The following AGMO variants were observed in gnomAD, a reference collection of about 807,000 sequenced individuals.
AGMO encodes the protein glyceryl-ether monooxygenase.
AGMO carries 75 observed loss-of-function variants against 60.2 expected under a neutral mutation model. The ratio of observed to expected loss-of-function variants is 1.25; its 90% confidence interval spans 1.03 to 1.51. AGMO has a LOEUF of 1.51. Ranked by LOEUF, AGMO falls within the 40% of genes most tolerant of loss-of-function variation. The pLI, the probability that AGMO is intolerant of heterozygous loss-of-function variation, is 0.00. For missense variants in AGMO, 763 were observed against 525.5 expected, an observed-to-expected ratio of 1.45 and a Z score of -4.42; for synonymous variants, 261 against 177.1, an observed-to-expected ratio of 1.47 and a Z score of -3.76.
At chr7:15,548,076 G>T (rs191401904) in intron 2 of AGMO, among the ~76,000 whole-genome samples, 1,809 of 151,972 alleles carry the variant, frequency 0.012, 33 homozygotes, top group African/African-American at 0.042. Context: ...CACACGGCAG[G>T]GTATTCCAAC....
At chr7:15,310,979 A>T (rs1002722179) in intron 12 of AGMO, among the ~76,000 whole-genome samples, 10 of 152,006 alleles carry the variant, frequency 6.6e-5, no homozygotes, top group Non-Finnish European at 1.3e-4. Context: ...TCCCTCTTCC[A>T]TTTCTAAAAA....
intron 12 of AGMO, among the ~76,000 whole-genome samples, chr7:15,342,247 T>A (rs1411162642): frequency 7.1e-6 from 1 of 140,580 alleles, no homozygotes; most frequent in Non-Finnish European, 1.5e-5. Context: ...AGAAAAGAAG[T>A]CTCTAGCAGC....
the AGMO span, among the ~76,000 whole-genome samples, chr7:15,137,822 A>C: frequency 6.6e-6 from 1 of 152,286 alleles, no homozygotes; most frequent in South Asian, 2.1e-4. Context: ...TACATTTAAA[A>C]GAGCAGAATC....
At chr7:15,376,572 G>A (rs962046654) in intron 10 of AGMO, among the ~76,000 whole-genome samples, 1 of 151,978 alleles carries the variant, frequency 6.6e-6, no homozygotes, top group Non-Finnish European at 1.5e-5. Context: ...AGTAATCTGT[G>A]TTCAAATGTA....
the AGMO span, among the ~76,000 whole-genome samples, chr7:15,184,016 A>T: frequency 6.6e-6 from 1 of 152,182 alleles, no homozygotes; most frequent in African/African-American, 2.4e-5. Context: ...ATAAATTGTT[A>T]AAAACAATAT....
intron 12 of AGMO, among the ~76,000 whole-genome samples, chr7:15,235,848 T>C (rs1301750788): frequency 6.6e-6 from 1 of 152,152 alleles, no homozygotes; most frequent in Admixed American, 6.5e-5. Flanking sequence ...AGCAAGCTAA[T>C]GTTGTGATTC....
intron 12 of AGMO, among the ~76,000 whole-genome samples, chr7:15,331,462 G>T (rs1289365552): frequency 6.6e-6 from 1 of 152,160 alleles, no homozygotes; most frequent in Non-Finnish European, 1.5e-5. Context: ...GAGCATGCAT[G>T]AAAGCATGAA....
intron 12 of AGMO, among the ~76,000 whole-genome samples, chr7:15,282,513 A>G (rs4132550): frequency 0.029 from 4,372 of 152,236 alleles, 184 homozygotes; most frequent in African/African-American, 0.1. Flanking sequence ...AGTCAACTCA[A>G]TCAGAAAAAT....
At chr7:15,234,209 A>G (rs754800235) in intron 12 of AGMO, among the ~76,000 whole-genome samples, 11 of 152,178 alleles carry the variant, frequency 7.2e-5, no homozygotes, top group Admixed American at 2.6e-4. Flanking sequence ...TTGTCAGATA[A>G]ATAATAACTT....
intron 3 of AGMO, among the ~76,000 whole-genome samples, chr7:15,458,542 T>A (rs1186666720): frequency 6.6e-6 from 1 of 152,186 alleles, no homozygotes; most frequent in Admixed American, 6.6e-5. Context: ...TTACTTGTTT[T>A]CACTTTATGA....
chr7:15,380,707 AG>A (rs1465750004), intron 10 of AGMO, among the ~76,000 whole-genome samples: 6 of 152,236 alleles, frequency 3.9e-5, no homozygotes, highest in Non-Finnish European at 1.5e-5. Context: ...AACCAATAAA[AG>A]AGCCCGAACA....
intron 12 of AGMO, among the ~76,000 whole-genome samples, chr7:15,272,540 T>C (rs956425006): frequency 2.0e-5 from 3 of 152,098 alleles, no homozygotes; most frequent in South Asian, 2.1e-4. Context: ...TGATGGACAT[T>C]TGGGTTGGTT....
chr7:15,516,136 T>C (rs976649454), intron 3 of AGMO, among the ~76,000 whole-genome samples: 2 of 152,134 alleles, frequency 1.3e-5, no homozygotes, highest in Non-Finnish European at 2.9e-5. Context: ...AATAAATATA[T>C]ACAAATTTTA....
At chr7:15,126,195 T>C in the AGMO span, among the ~76,000 whole-genome samples, 8 of 152,100 alleles carry the variant, frequency 5.3e-5, no homozygotes, top group African/African-American at 1.9e-4. Context: ...ACTAGCTGTA[T>C]ATTTTCATAA....
rs752782281 is a variant in AGMO at position 15,513,968 on chromosome 7, G to A, written c.409+30804C>T. 4.7e-4 allele frequency among the ~76,000 whole-genome samples: 71 copies of A among 152,088 alleles called. 1 individual carries two copies. Among genetic ancestry groups the A allele is most frequent in the Non-Finnish European group, 1.5e-4 (10 of 68,008 alleles). On this transcript the variant is annotated intron_variant, in intron 3 of 12. Transcript: ENST00000342526. ...AAACACTAAATAATGGAAAACAACA[G>A]GGCTAAACTTTTGGAGTGTCTTCTT...
chr7:15,352,246 C>G (rs947931645), intron 12 of AGMO, among the ~76,000 whole-genome samples: 1 of 152,102 alleles, frequency 6.6e-6, no homozygotes, highest in Non-Finnish European at 1.5e-5. Flanking sequence ...ACTTCACTTT[C>G]AAAGGCATAT....
chr7:15,303,986 A>G (rs145514351), intron 12 of AGMO, among the ~76,000 whole-genome samples: 448 of 152,278 alleles, frequency 2.9e-3, no homozygotes, highest in African/African-American at 1.0e-2. Flanking sequence ...AAAATATCCA[A>G]TACGATTTTC....
chr7:15,541,098 T>C (rs1049058370), intron 3 of AGMO, among the ~76,000 whole-genome samples: 1 of 152,114 alleles, frequency 6.6e-6, no homozygotes, highest in South Asian at 2.1e-4. Context: ...ATGCCAGTTG[T>C]TTTTTTGTTT....
At chr7:15,288,086 C>G (rs1014419443) in intron 12 of AGMO, among the ~76,000 whole-genome samples, 5 of 151,900 alleles carry the variant, frequency 3.3e-5, no homozygotes, top group African/African-American at 1.2e-4. Context: ...TGCATTGGCA[C>G]AGTCTCGGCT....
Sources: gnomAD v4.1 joint callset for allele counts (sites outside exome capture counted in the v4.1 genomes callset) on GRCh38, gnomAD v4.1.1 for gene constraint, MANE v1.5 for transcripts, NCBI Gene and HGNC (gene_info 2026-07-23, HGNC 2026-07-21) for gene names.